The following RPAP2 variants were observed in gnomAD, a reference collection of about 807,000 sequenced individuals.
RPAP2 encodes the protein putative RNA polymerase II subunit B1 CTD phosphatase RPAP2.
In RPAP2, 52 loss-of-function variants were observed where a neutral mutation model predicts 73.1. That is an observed-to-expected ratio of 0.71 (90% CI 0.57 to 0.90). The LOEUF (loss-of-function observed/expected upper bound fraction) is 0.90, where lower values mean the gene tolerates loss of function less well. Ranked by LOEUF, RPAP2 falls within the 40% of genes least tolerant of loss-of-function variation. RPAP2 has a pLI of 0.00. For missense variants in RPAP2, 598 were observed against 701.8 expected (o/e 0.85, Z 1.67); for synonymous variants, 225 against 242.1 (o/e 0.93, Z 0.65).
At chr1:92,337,213 T>C (rs1653329109) in intron 10 of RPAP2, among the ~76,000 whole-genome samples, 1 of 152,142 alleles carries the variant, frequency 6.6e-6, no homozygotes, top group South Asian at 2.1e-4. Flanking sequence ...TATTTATTAT[T>C]ATAGTCTATT....
chr1:92,324,337 T>G lies in RPAP2; in HGVS notation c.1417T>G (p.Leu473Val), dbSNP rs778828023. The stretch of plus-strand genomic sequence containing the variant: ...GGAGTTTTACAGAGGACGGTATGTT[T>G]TGGGTGAAGAAACCACCAAATCACA... ...IREFYRGRYV[L>V]GEETTKSQDS... The change falls in exon 8 of 13, where the codon TTG (leucine) becomes GTG (valine). Residue 473 changes from leucine (L) to valine (V), a missense_variant. Leu to Val is a conservative substitution (Grantham distance 32). Transcript: ENST00000610020. 1.2e-6 allele frequency: 2 copies of G among 1,613,900 alleles called. No homozygotes were observed. Among genetic ancestry groups the G allele is most frequent in the Non-Finnish European group, 1.7e-6 (2 of 1,179,926 alleles).
chr1:92,336,196 C>A, intron 9 of RPAP2, 151 bp from the exon 10 acceptor site: 1 of 614,344 alleles, frequency 1.6e-6, no homozygotes. Context: ...CTTATGAGTT[C>A]TCACCAATCA....
intron 11 of RPAP2, among the ~76,000 whole-genome samples, chr1:92,374,535 G>A (rs982620505): frequency 1.4e-4 from 22 of 152,068 alleles, no homozygotes; most frequent in African/African-American, 5.1e-4. Context: ...TCCTAAACTC[G>A]AGTTACTCCA....
chr1:92,341,065 G>A (rs555920475), intron 10 of RPAP2, among the ~76,000 whole-genome samples: 3 of 152,148 alleles, frequency 2.0e-5, no homozygotes, highest in Non-Finnish European at 2.9e-5. Context: ...TTGGACTGCC[G>A]TGTCGTGATC....
In RPAP2 at chr1:92,389,090, G is replaced by A. The variant is rs974586281; in HGVS notation, c.*2079G>A. ...GATAATAGACAGACTGCCTCCTCAA[G>A]TGGGTCCCTGACCCCCGTGTAGCCT... On this transcript the variant is annotated 3_prime_UTR_variant, in exon 13 of 13. Coordinates refer to ENST00000610020, the MANE Select transcript of RPAP2 (RefSeq NM_024813.3). The A allele has an allele frequency of 1.6e-4, 25 of 152,422 alleles. No individual in the cohort carries two copies. The highest frequency in any genetic ancestry group is 3.4e-4 in the Non-Finnish European group (23 of 68,222). 9.4% of individuals were successfully genotyped at this position (152,422 alleles called of 1,614,324 possible). A position where few individuals can be genotyped will look rare whatever the true frequency, so the allele number is the denominator to read the frequency against.
At chr1:92,383,086 C>G (rs1309448471) in intron 12 of RPAP2, among the ~76,000 whole-genome samples, 1 of 152,008 alleles carries the variant, frequency 6.6e-6, no homozygotes, top group Non-Finnish European at 1.5e-5. Context: ...TGCAGATATG[C>G]GGCATTATTT....
chr1:92,377,516 CAAAAAAAAAAAAAAA>C (rs530908177), intron 11 of RPAP2, among the ~76,000 whole-genome samples: 2 of 76,588 alleles, frequency 2.6e-5, no homozygotes, highest in East Asian at 4.2e-4. Context: ...AACTTTGTCT[CAAAAAAAAAAAAAAA>C]AAAAAAAAAG....
At chr1:92,360,295 G>T (rs1557623785) in intron 11 of RPAP2, among the ~76,000 whole-genome samples, 1 of 152,208 alleles carries the variant, frequency 6.6e-6, no homozygotes, top group Non-Finnish European at 1.5e-5. Flanking sequence ...GCAATTAGGT[G>T]GTGTGGGTAA....
chr1:92,304,407 C>A, intron 5 of RPAP2, 58 bp downstream of exon 5: 1 of 890,190 alleles, frequency 1.1e-6, no homozygotes, highest in Non-Finnish European at 1.7e-6. Context: ...AACCACTATC[C>A]TAACAAGGCA....
rs1261426736 is a variant in RPAP2 at position 92,397,084 on chromosome 1, T to C, written c.*10073T>C. ...CCTCTCTCTCTCTGACCTAGTGACC[T>C]AGGGTAAAGAGAAAAAGAAGCTAGC... On this transcript the variant is annotated 3_prime_UTR_variant, in exon 13 of 13. Coordinates refer to ENST00000610020, the MANE Select transcript of RPAP2 (RefSeq NM_024813.3). The C allele has an allele frequency of 6.6e-6, 1 of 152,152 alleles. No homozygotes were observed. The highest frequency in any genetic ancestry group is 2.4e-5 in the African/African-American group (1 of 41,434). 9.4% of individuals were successfully genotyped at this position (152,152 alleles called of 1,614,324 possible).
chr1:92,373,127 T>C (rs1194156649), intron 11 of RPAP2, among the ~76,000 whole-genome samples: 2 of 151,998 alleles, frequency 1.3e-5, no homozygotes, highest in African/African-American at 4.8e-5. Context: ...AGCAAACAAA[T>C]AGACAATTAT....
intron 10 of RPAP2, among the ~76,000 whole-genome samples, chr1:92,338,969 C>T (rs978892627): frequency 6.6e-6 from 1 of 152,110 alleles, no homozygotes; most frequent in South Asian, 2.1e-4. Flanking sequence ...CTTATTTAAT[C>T]ACCATTCTGA....
At chr1:92,374,753 A>G (rs1655314619) in intron 11 of RPAP2, among the ~76,000 whole-genome samples, 1 of 152,206 alleles carries the variant, frequency 6.6e-6, no homozygotes, top group Admixed American at 6.5e-5. Flanking sequence ...AATGCCCAGT[A>G]AGCAGCCAGA....
At chr1:92,375,999 C>CAAAA (rs1234687722) in intron 11 of RPAP2, among the ~76,000 whole-genome samples, 2 of 65,282 alleles carry the variant, frequency 3.1e-5, no homozygotes, top group Non-Finnish European at 3.6e-5. Context: ...GACTCTGTCT[C>CAAAA]AAAAAAAAAA....
intron 11 of RPAP2, among the ~76,000 whole-genome samples, chr1:92,373,761 A>T (rs954740431): frequency 5.4e-5 from 8 of 147,742 alleles, no homozygotes; most frequent in African/African-American, 7.5e-5. Context: ...AAAAAAAAAA[A>T]AAAAAAAAAG....
intron 9 of RPAP2, among the ~76,000 whole-genome samples, chr1:92,336,143 T>C (rs1372960283): frequency 6.6e-6 from 1 of 152,164 alleles, no homozygotes; most frequent in East Asian, 1.9e-4. Context: ...TCACACTCAG[T>C]AACAGACTAC....
rs553783530 is a variant in RPAP2 at position 92,342,048 on chromosome 1, A to C, written c.1620-3798A>C. Among the ~76,000 whole-genome samples, 4 of 152,358 alleles carry C rather than the reference A, an allele frequency of 2.6e-5. No individual in the cohort carries two copies. The South Asian group carries it at 8.3e-4, about 32-fold the overall frequency. On this transcript the variant is annotated intron_variant, in intron 10 of 12. Transcript: ENST00000610020. The stretch of plus-strand genomic sequence containing the variant: ...AGATACTGTTTTATTTGCTACAGGT[A>C]CATCAGTGAACAAAACACACAAATC...
chr1:92,313,656 A>G (rs1651727920), intron 6 of RPAP2, among the ~76,000 whole-genome samples: 1 of 152,194 alleles, frequency 6.6e-6, no homozygotes, highest in Non-Finnish European at 1.5e-5. Context: ...GTTAGCCCCT[A>G]ACAAGAGAGT....
At chr1:92,335,060 G>A (rs542350163) in intron 9 of RPAP2, among the ~76,000 whole-genome samples, 5 of 152,246 alleles carry the variant, frequency 3.3e-5, no homozygotes, top group South Asian at 2.1e-4. Flanking sequence ...GTGGAGGATC[G>A]CTTGAGCACG....
Sources: gnomAD v4.1 joint callset for allele counts (sites outside exome capture counted in the v4.1 genomes callset) on GRCh38, gnomAD v4.1.1 for gene constraint, MANE v1.5 for transcripts, NCBI Gene and HGNC (gene_info 2026-07-23, HGNC 2026-07-21) for gene names.